Variants in LGR4 observed in about 807,000 individuals in gnomAD.
The protein encoded by LGR4 is leucine-rich repeat-containing G protein-coupled receptor 4.
LGR4 carries 44 observed loss-of-function variants against 84.8 expected under a neutral mutation model. That is an observed-to-expected ratio of 0.52 (90% CI 0.41 to 0.67). The LOEUF (loss-of-function observed/expected upper bound fraction) is 0.67, where lower values mean the gene tolerates loss of function less well. Among genes scored for constraint, LGR4 ranks in the 30% least tolerant of loss-of-function variants. The pLI, the probability that LGR4 is intolerant of heterozygous loss-of-function variation, is 0.00. For synonymous variants in LGR4, 429 were observed against 434.3 expected (o/e 0.99, Z 0.15); for missense variants, 1,032 against 1,131.4 (o/e 0.91, Z 1.26).
chr11:27,393,345 G>A (rs566626054), intron 2 of LGR4, among the ~76,000 whole-genome samples: 1 of 152,220 alleles, frequency 6.6e-6, no homozygotes, highest in Admixed American at 6.5e-5. Context: ...ACTCAAAAAT[G>A]ATGATTGTGT....
At chr11:27,435,952 C>T (rs1177898352) in intron 1 of LGR4, among the ~76,000 whole-genome samples, 1 of 151,714 alleles carries the variant, frequency 6.6e-6, no homozygotes, top group African/African-American at 2.4e-5. Context: ...GCTCTGTCAC[C>T]CAGGCTGGAG....
intron 1 of LGR4, among the ~76,000 whole-genome samples, chr11:27,466,599 T>C (rs1410780559): frequency 6.6e-6 from 1 of 152,230 alleles, no homozygotes; most frequent in Non-Finnish European, 1.5e-5. Context: ...AACTTTGATC[T>C]TTCCTAAGAG....
At chr11:27,382,599 T>A (rs930308268) in intron 6 of LGR4, among the ~76,000 whole-genome samples, 13 of 152,226 alleles carry the variant, frequency 8.5e-5, no homozygotes, top group African/African-American at 3.1e-4. Flanking sequence ...ATTCATTGAA[T>A]ATCCATTTGT....
chr11:27,421,758 G>C (rs899535864), intron 1 of LGR4, among the ~76,000 whole-genome samples: 13 of 152,108 alleles, frequency 8.5e-5, no homozygotes, highest in Non-Finnish European at 7.4e-5. Context: ...TTTTGGTTTT[G>C]TTTATTTGTT....
intron 1 of LGR4, among the ~76,000 whole-genome samples, chr11:27,417,801 T>C (rs182291281): frequency 6.6e-6 from 1 of 152,194 alleles, no homozygotes; most frequent in South Asian, 2.1e-4. Flanking sequence ...GTTCTGAACA[T>C]GTTCATCTCC....
chr11:27,469,819 G>C (rs1864839497), intron 1 of LGR4, among the ~76,000 whole-genome samples: 1 of 152,196 alleles, frequency 6.6e-6, no homozygotes, highest in Non-Finnish European at 1.5e-5. Context: ...TGCGATGGGA[G>C]AGCAGACTGG....
chr11:27,443,296 A>G (rs1048465344), intron 1 of LGR4, among the ~76,000 whole-genome samples: 2 of 152,222 alleles, frequency 1.3e-5, no homozygotes, highest in Non-Finnish European at 2.9e-5. Flanking sequence ...ACACTCAAGT[A>G]ATACCACTGC....
chr11:27,387,640 C>T (rs1183680169), intron 4 of LGR4, among the ~76,000 whole-genome samples: 1 of 152,110 alleles, frequency 6.6e-6, no homozygotes, highest in Non-Finnish European at 1.5e-5. Context: ...ACCAGGGACA[C>T]ACATGTGGCA....
intron 1 of LGR4, among the ~76,000 whole-genome samples, chr11:27,466,722 A>G (rs1864783714): frequency 6.6e-6 from 1 of 152,198 alleles, no homozygotes; most frequent in South Asian, 2.1e-4. Context: ...GGAAATTATA[A>G]AACATTATTG....
chr11:27,411,062 G>A (rs1863701585), intron 2 of LGR4, among the ~76,000 whole-genome samples: 2 of 152,106 alleles, frequency 1.3e-5, no homozygotes, highest in South Asian at 4.1e-4. Context: ...AACGAAGATG[G>A]TGTGCACACA....
At chr11:27,457,863 C>G (rs766827379) in intron 1 of LGR4, among the ~76,000 whole-genome samples, 4 of 152,126 alleles carry the variant, frequency 2.6e-5, no homozygotes, top group Non-Finnish European at 5.9e-5. Context: ...CACAGTGGCT[C>G]ACACCTGTAA....
At chr11:27,436,367 AAGAAAG>A (rs1057185792) in intron 1 of LGR4, among the ~76,000 whole-genome samples, 9 of 146,016 alleles carry the variant, frequency 6.2e-5, no homozygotes, top group African/African-American at 2.4e-4. Flanking sequence ...GAAAGAAAGA[AAGAAAG>A]AGAGAGAGAG....
chr11:27,468,089 G>A (rs1374977050), intron 1 of LGR4, among the ~76,000 whole-genome samples: 2 of 152,090 alleles, frequency 1.3e-5, no homozygotes, highest in African/African-American at 2.4e-5. Flanking sequence ...AGTAAAAGAA[G>A]AAAGGTGCTT....
intron 2 of LGR4, among the ~76,000 whole-genome samples, chr11:27,397,212 C>T (rs1031533449): frequency 7.2e-5 from 11 of 152,224 alleles, no homozygotes; most frequent in African/African-American, 2.4e-4. Flanking sequence ...CAACTCTGCC[C>T]TCTACAAACT....
chr11:27,426,781 T>C (rs1260754433), intron 1 of LGR4, among the ~76,000 whole-genome samples: 2 of 152,168 alleles, frequency 1.3e-5, no homozygotes, highest in Non-Finnish European at 2.9e-5. Context: ...GGTTAAATAA[T>C]TCATTAAAGT....
chr11:27,429,719 T>G (rs578072103), intron 1 of LGR4, among the ~76,000 whole-genome samples: 1 of 152,310 alleles, frequency 6.6e-6, no homozygotes, highest in East Asian at 1.9e-4. Flanking sequence ...TTTTCCCTTA[T>G]TTTGGCTCTG....
intron 1 of LGR4, among the ~76,000 whole-genome samples, chr11:27,422,152 G>A (rs1051427384): frequency 4.6e-5 from 7 of 152,226 alleles, no homozygotes; most frequent in African/African-American, 1.7e-4. Flanking sequence ...GTATTATAAA[G>A]ATTATCGTCT....
chr11:27,368,184 T>G lies in LGR4; in HGVS notation c.2539A>C (p.Met847Leu), dbSNP rs1434668948. The G allele has an allele frequency of 6.2e-7, 1 of 1,614,240 alleles. No individual in the cohort carries two copies. The highest frequency in any genetic ancestry group is 1.7e-5 in the Admixed American group (1 of 60,026). ...LEQDFYYDCG[M>L]YSHLQGNLTV... ...AGGTTGCCCTGCAAATGTGAGTACA[T>G]GCCACAGTCGTAGTAGAAATCCTGT... The change falls in exon 18 of 18, where the codon ATG (methionine) becomes CTG (leucine). Residue 847 changes from methionine (M) to leucine (L), a missense_variant. Coordinates refer to ENST00000379214, the MANE Select transcript of LGR4 (RefSeq NM_018490.5).
chr11:27,397,819 T>G (rs1232558086), intron 2 of LGR4, among the ~76,000 whole-genome samples: 6 of 152,156 alleles, frequency 3.9e-5, no homozygotes, highest in Non-Finnish European at 8.8e-5. Flanking sequence ...CTAGCAGGAT[T>G]TCAAAGGGGA....
Sources: gnomAD v4.1 joint callset for allele counts (sites outside exome capture counted in the v4.1 genomes callset) on GRCh38, gnomAD v4.1.1 for gene constraint, MANE v1.5 for transcripts, NCBI Gene and HGNC (gene_info 2026-07-23, HGNC 2026-07-21) for gene names.